The following SKAP1 variants were observed in gnomAD, a reference collection of about 807,000 sequenced individuals.
The protein encoded by SKAP1 is src kinase associated phosphoprotein 1, also known as src kinase-associated phosphoprotein 1.
A neutral mutation model predicts 58.5 loss-of-function variants in SKAP1; 44 were observed. The observed-to-expected ratio is 0.75, with a 90% CI of 0.59 to 0.97. The LOEUF is 0.97. Ranked by LOEUF, SKAP1 falls within the 50% of genes least tolerant of loss-of-function variation. SKAP1 has a pLI of 0.00. For missense variants in SKAP1, 390 were observed against 435.2 expected, an observed-to-expected ratio of 0.90 and a Z score of 0.92; for synonymous variants, 127 against 149.7, an observed-to-expected ratio of 0.85 and a Z score of 1.11.
intron 2 of SKAP1, among the ~76,000 whole-genome samples, chr17:48,366,503 C>A (rs756365534): frequency 1.3e-5 from 2 of 152,066 alleles, no homozygotes; most frequent in Non-Finnish European, 1.5e-5. Context: ...GGAAGTGGAA[C>A]ACTTCAAAAC....
intron 11 of SKAP1, among the ~76,000 whole-genome samples, chr17:48,153,185 A>G (rs1156863737): frequency 6.6e-6 from 1 of 152,230 alleles, no homozygotes; most frequent in Non-Finnish European, 1.5e-5. Context: ...AATGGGTTTT[A>G]GAATAAATGG....
chr17:48,406,120 T>G (rs1450351572), intron 1 of SKAP1, among the ~76,000 whole-genome samples: 1 of 150,716 alleles, frequency 6.6e-6, no homozygotes, highest in African/African-American at 2.4e-5. Context: ...CAAAAATTAG[T>G]CGGGCGTGGT....
At chr17:48,393,255 G>GT (rs2067372663) in intron 2 of SKAP1, among the ~76,000 whole-genome samples, 1 of 152,108 alleles carries the variant, frequency 6.6e-6, no homozygotes, top group Non-Finnish European at 1.5e-5. Context: ...ATTGCTATCC[G>GT]TTTTTATTTT....
chr17:48,137,593 T>C (rs2063716742), intron 11 of SKAP1, among the ~76,000 whole-genome samples: 1 of 151,520 alleles, frequency 6.6e-6, no homozygotes, highest in Admixed American at 6.6e-5. Context: ...CTGAAGAGCA[T>C]TTTTTTTTAA....
At chr17:48,431,272 T>G (rs1157832419), upstream of SKAP1, among the ~76,000 whole-genome samples, 1 of 152,090 alleles carries the variant, frequency 6.6e-6, no homozygotes, top group Non-Finnish European at 1.5e-5. Context: ...ATCACCCCAG[T>G]GTACCCCAGC....
At chr17:48,260,155 T>C (rs1020731869) in intron 4 of SKAP1, among the ~76,000 whole-genome samples, 9 of 152,102 alleles carry the variant, frequency 5.9e-5, no homozygotes, top group Admixed American at 6.6e-5. Context: ...TGTTGGACAA[T>C]TGTTTCCCAC....
intron 1 of SKAP1, among the ~76,000 whole-genome samples, chr17:48,402,934 G>A (rs1212911162): frequency 6.6e-6 from 1 of 152,040 alleles, no homozygotes; most frequent in Non-Finnish European, 1.5e-5. Flanking sequence ...AAGGCTAAGA[G>A]GTTCAGGTTT....
At chr17:48,184,491 G>A (rs535631162) in intron 7 of SKAP1, among the ~76,000 whole-genome samples, 1 of 152,290 alleles carries the variant, frequency 6.6e-6, no homozygotes, top group African/African-American at 2.4e-5. Flanking sequence ...GAGAAGGGGA[G>A]GAATGAAGGA....
rs75519080 is a variant in SKAP1, at chr17:48,218,054, T to A, written c.281-28554A>T. On this transcript the variant is annotated intron_variant, in intron 4 of 12. Coordinates refer to ENST00000336915, the MANE Select transcript of SKAP1 (RefSeq NM_003726.4). ...GAGGAAGGTACTAAGTATCACATTGTGTTAATGTGCCAGCTTGCCACCTTT... is the reference window on the plus strand; with the variant it reads ...GAGGAAGGTACTAAGTATCACATTGAGTTAATGTGCCAGCTTGCCACCTTT... Among the ~76,000 whole-genome samples, 186 of 152,348 alleles carry A rather than the reference T, an allele frequency of 1.2e-3. 4 individuals carry two copies. In the East Asian group the frequency reaches 0.034, roughly 28 times the overall value.
intron 1 of SKAP1, among the ~76,000 whole-genome samples, chr17:48,409,635 T>C (rs1417755088): frequency 7.2e-6 from 1 of 138,924 alleles, no homozygotes; most frequent in African/African-American, 2.8e-5. Context: ...GCCACTGCAC[T>C]CCAGCCTGGG....
intron 1 of SKAP1, among the ~76,000 whole-genome samples, chr17:48,417,331 A>G (rs1487225195): frequency 1.3e-5 from 2 of 152,356 alleles, no homozygotes; most frequent in East Asian, 3.9e-4. Flanking sequence ...GAAAACAAAA[A>G]CCAGAAACTA....
At chr17:48,188,915 G>T (rs150462250) in intron 5 of SKAP1, among the ~76,000 whole-genome samples, 3 of 152,160 alleles carry the variant, frequency 2.0e-5, no homozygotes, top group African/African-American at 7.2e-5. Context: ...CAGCAGAATC[G>T]CTTGAACCAG....
chr17:48,180,222 C>T lies in SKAP1; in HGVS notation c.658G>A (p.Glu220Lys). ...TTTTCTTCTTCCTCCTCATCCTCTT[C>T]ATATGGAATGGTTAAGGAGCTCAGA... is the stretch of plus-strand genomic sequence containing the variant. ...KDLSSLTIPYEEDEEEEEKEE... is the reference protein window; with the variant it reads ...KDLSSLTIPYKEDEEEEEKEE... The change falls in exon 9 of 13, where the codon GAA (glutamate) becomes AAA (lysine). Residue 220 changes from glutamate (E) to lysine (K), a missense_variant. Transcript: ENST00000336915. 1 of 1,599,528 alleles carries T rather than the reference C, an allele frequency of 6.3e-7. No individual in the cohort carries two copies. The highest frequency in any genetic ancestry group is 8.5e-7 in the Non-Finnish European group (1 of 1,172,176).
intron 1 of SKAP1, among the ~76,000 whole-genome samples, chr17:48,405,530 T>A (rs1393786295): frequency 6.7e-6 from 1 of 149,844 alleles, no homozygotes; most frequent in East Asian, 1.9e-4. Context: ...GAGACAGAGT[T>A]TCACTCTTGT....
chr17:48,350,864 T>C (rs1023061432), intron 3 of SKAP1, among the ~76,000 whole-genome samples: 1 of 152,198 alleles, frequency 6.6e-6, no homozygotes, highest in African/African-American at 2.4e-5. Flanking sequence ...GACTTCCTAT[T>C]CTATTTAATA....
chr17:48,205,037 T>TTTCTTTCTTTCTTTCTC (rs1567820035), intron 4 of SKAP1, among the ~76,000 whole-genome samples: 1 of 55,748 alleles, frequency 1.8e-5, no homozygotes, highest in Non-Finnish European at 3.9e-5. Context: ...CTTTCTTTCT[T>TTTCTTTCTTTCTTTCTC]TCTCTCTCTC....
chr17:48,367,355 C>T (rs1346867758), intron 2 of SKAP1, among the ~76,000 whole-genome samples: 2 of 151,656 alleles, frequency 1.3e-5, no homozygotes, highest in Non-Finnish European at 2.9e-5. Flanking sequence ...TAATGTACAG[C>T]ATGGTGACTA....
At chr17:48,170,763 G>T in intron 9 of SKAP1, 104 bp from the exon 10 acceptor site, 1 of 972,450 alleles carries the variant, frequency 1.0e-6, no homozygotes, top group Non-Finnish European at 1.6e-6. Flanking sequence ...AGGCTGAAGT[G>T]CAGTGGAACG....
At position 48,248,367 on chromosome 17, in the gene SKAP1, G is replaced by GGT. The variant is rs773400996; in HGVS notation, c.281-58868_281-58867insAC. ...GGATCATCTGTGATCAGCAGTTCGAGACCAGCCTGGCCAACATGGTGAAAC... is the reference window on the plus strand; with the variant it reads ...GGATCATCTGTGATCAGCAGTTCGAGGTACCAGCCTGGCCAACATGGTGAAAC... On this transcript the variant is annotated intron_variant, in intron 4 of 12. Transcript: ENST00000336915. Among the ~76,000 whole-genome samples the GGT allele has an allele frequency of 3.9e-5, 6 of 152,234 alleles. No individual in the cohort carries two copies. In the South Asian group the frequency reaches 1.0e-3, roughly 26 times the overall value.
Sources: gnomAD v4.1 joint callset for allele counts (sites outside exome capture counted in the v4.1 genomes callset) on GRCh38, gnomAD v4.1.1 for gene constraint, MANE v1.5 for transcripts, NCBI Gene and HGNC (gene_info 2026-07-23, HGNC 2026-07-21) for gene names.